Variants in LPAR1 observed in about 807,000 individuals in gnomAD.
LPAR1 encodes the protein lysophosphatidic acid receptor 1.
A neutral mutation model predicts 23.8 loss-of-function variants in LPAR1; 5 were observed. The observed-to-expected ratio is 0.21, with a 90% CI of 0.11 to 0.44. LPAR1 has a LOEUF of 0.44. Among genes scored for constraint, LPAR1 ranks in the 20% least tolerant of loss-of-function variants. LPAR1 has a pLI of 0.99. For synonymous variants in LPAR1, 160 were observed against 164.7 expected, an observed-to-expected ratio of 0.97 and a Z score of 0.22; for missense variants, 311 against 482.8, an observed-to-expected ratio of 0.64 and a Z score of 3.33.
intron 5 of LPAR1, among the ~76,000 whole-genome samples, chr9:110,894,278 C>T (rs2085516367): frequency 6.6e-6 from 1 of 152,182 alleles, no homozygotes; most frequent in African/African-American, 2.4e-5. Flanking sequence ...AAGAGACAGA[C>T]AGACCTGAGG....
intron 4 of LPAR1, among the ~76,000 whole-genome samples, chr9:110,959,284 AAGGAAGGG>A (rs888701263): frequency 7.3e-5 from 11 of 151,572 alleles, no homozygotes; most frequent in East Asian, 1.9e-4. Flanking sequence ...GTAAGGATGG[AAGGAAGGG>A]AGGAAGGGAG....
At chr9:110,877,496 A>G (rs748791175) in intron 5 of LPAR1, among the ~76,000 whole-genome samples, 4 of 152,226 alleles carry the variant, frequency 2.6e-5, no homozygotes, top group Admixed American at 6.5e-5. Context: ...CCTTGCTTGA[A>G]AATCACTCAG....
chr9:111,032,024 C>G (rs1403417974), intron 2 of LPAR1, among the ~76,000 whole-genome samples: 3 of 152,194 alleles, frequency 2.0e-5, no homozygotes, highest in Non-Finnish European at 4.4e-5. Context: ...AGGGGTCTGT[C>G]CACATCTTGT....
chr9:110,892,422 T>C (rs1331750394), intron 5 of LPAR1, among the ~76,000 whole-genome samples: 2 of 151,898 alleles, frequency 1.3e-5, no homozygotes, highest in Non-Finnish European at 1.5e-5. Context: ...TCCAAGCACT[T>C]TGGGAGGCCG....
intron 2 of LPAR1, among the ~76,000 whole-genome samples, chr9:111,027,939 A>AACATAATT (rs1398157426): frequency 2.6e-5 from 4 of 151,552 alleles, no homozygotes; most frequent in Non-Finnish European, 4.4e-5. Flanking sequence ...GGAATGACTA[A>AACATAATT]ACATAATTAG....
chr9:110,921,952 A>T (rs2093658472), intron 5 of LPAR1, among the ~76,000 whole-genome samples: 1 of 152,192 alleles, frequency 6.6e-6, no homozygotes. Context: ...ACCACATCAG[A>T]GCCTACGGGG....
At chr9:111,021,433 C>A (rs1418431592) in intron 2 of LPAR1, among the ~76,000 whole-genome samples, 1 of 152,124 alleles carries the variant, frequency 6.6e-6, no homozygotes, top group Non-Finnish European at 1.5e-5. Context: ...AAATTGAATT[C>A]ATCTTCCATA....
intron 1 of LPAR1, among the ~76,000 whole-genome samples, chr9:111,036,530 A>G (rs1056731066): frequency 6.6e-6 from 1 of 151,552 alleles, no homozygotes; most frequent in African/African-American, 2.4e-5. Flanking sequence ...CAATAAGATA[A>G]CCTCCCACCG....
intron 2 of LPAR1, chr9:110,999,376 G>T (rs2140094560): frequency 2.2e-6 from 1 of 455,872 alleles, no homozygotes; most frequent in African/African-American, 2.0e-5. Flanking sequence ...AGAAGGTTCA[G>T]ACCTCCCCCA....
intron 2 of LPAR1, among the ~76,000 whole-genome samples, chr9:110,990,228 C>A (rs778396157): frequency 3.9e-5 from 6 of 152,058 alleles, no homozygotes; most frequent in Non-Finnish European, 7.4e-5. Flanking sequence ...GAGACATGAA[C>A]AATACAAGTA....
intron 4 of LPAR1, among the ~76,000 whole-genome samples, chr9:110,963,501 A>G (rs191556666): frequency 1.3e-5 from 2 of 152,294 alleles, no homozygotes; most frequent in Admixed American, 1.3e-4. Context: ...TACACAGACC[A>G]TATGTAGTGG....
intron 1 of LPAR1, among the ~76,000 whole-genome samples, chr9:111,036,782 A>T (rs865952846): frequency 7.2e-5 from 11 of 152,158 alleles, no homozygotes; most frequent in African/African-American, 2.7e-4. Context: ...TTTTATCCTC[A>T]AATCAGACAA....
chr9:110,964,903 A>T (rs1455523210), intron 4 of LPAR1, among the ~76,000 whole-genome samples: 1 of 116,724 alleles, frequency 8.6e-6, no homozygotes, highest in Non-Finnish European at 1.6e-5. Context: ...TCACTGTTTC[A>T]CCTAGGCTGG....
intron 5 of LPAR1, among the ~76,000 whole-genome samples, chr9:110,897,659 C>T (rs930991986): frequency 6.6e-6 from 1 of 152,164 alleles, no homozygotes; most frequent in Non-Finnish European, 1.5e-5. Context: ...CAAATCATAG[C>T]ATCCTTACTA....
At chr9:110,965,186 A>T (rs964729561) in intron 4 of LPAR1, among the ~76,000 whole-genome samples, 5 of 152,084 alleles carry the variant, frequency 3.3e-5, no homozygotes, top group African/African-American at 1.2e-4. Context: ...TTTTTATCAG[A>T]ACACTGAATG....
At chr9:110,959,609 A>C (rs147632042) in intron 4 of LPAR1, among the ~76,000 whole-genome samples, 2,465 of 151,996 alleles carry the variant, frequency 0.016, 65 homozygotes, top group African/African-American at 0.055. Context: ...CAGAGTGAGA[A>C]CCTGTCTCAA....
chr9:111,001,813 T>C (rs2097133656), intron 2 of LPAR1, among the ~76,000 whole-genome samples: 3 of 152,206 alleles, frequency 2.0e-5, no homozygotes. Context: ...AACTAACCAC[T>C]GGCTTCCTTC....
chr9:110,906,300 T>A (rs564553111), intron 5 of LPAR1, among the ~76,000 whole-genome samples: 1 of 152,294 alleles, frequency 6.6e-6, no homozygotes. Context: ...CTTGGTGTAA[T>A]GTGTTTCATT....
chr9:110,892,169 G>A (rs867963735), intron 5 of LPAR1, among the ~76,000 whole-genome samples: 93 of 152,310 alleles, frequency 6.1e-4, no homozygotes, highest in Admixed American at 1.7e-3. Flanking sequence ...TGAATATACA[G>A]TAGTATTTCC....
Sources: gnomAD v4.1 joint callset for allele counts (sites outside exome capture counted in the v4.1 genomes callset) on GRCh38, gnomAD v4.1.1 for gene constraint, MANE v1.5 for transcripts, NCBI Gene and HGNC (gene_info 2026-07-23, HGNC 2026-07-21) for gene names.